The following SLC2A9 variants were observed in gnomAD, a reference collection of about 807,000 sequenced individuals.
The protein encoded by SLC2A9 is solute carrier family 2, facilitated glucose transporter member 9.
A neutral mutation model predicts 50.6 loss-of-function variants in SLC2A9; 39 were observed. The ratio of observed to expected loss-of-function variants is 0.77; its 90% CI spans 0.60 to 1.01. The LOEUF (loss-of-function observed/expected upper bound fraction) is 1.01, where lower values mean the gene tolerates loss of function less well. Among genes scored for constraint, SLC2A9 ranks in the 50% least tolerant of loss-of-function variants. The pLI, the probability that SLC2A9 is intolerant of heterozygous loss-of-function variation, is 0.00. For synonymous variants in SLC2A9, 324 were observed against 276.9 expected (o/e 1.17, Z -1.69); for missense variants, 686 against 677.6 (o/e 1.01, Z -0.14).
At chr4:9,868,714 G>A (rs1210307670) in intron 10 of SLC2A9, among the ~76,000 whole-genome samples, 1 of 152,176 alleles carries the variant, frequency 6.6e-6, no homozygotes, top group African/African-American at 2.4e-5. Context: ...GGGATTAACT[G>A]AGCGCTTCAT....
chr4:9,847,839 T>C (rs191765929), intron 10 of SLC2A9, among the ~76,000 whole-genome samples: 8 of 152,362 alleles, frequency 5.3e-5, no homozygotes, highest in South Asian at 2.1e-4. Flanking sequence ...TGTCATCAGA[T>C]ATGGCATCAG....
At chr4:9,796,911 C>T (rs1720660868), downstream of SLC2A9, among the ~76,000 whole-genome samples, 1 of 152,152 alleles carries the variant, frequency 6.6e-6, no homozygotes, top group South Asian at 2.1e-4. Context: ...ATTCCATTAG[C>T]TGAAGCAAGT....
At chr4:9,987,730 G>A (rs73100632) in intron 3 of SLC2A9, among the ~76,000 whole-genome samples, 7 of 152,036 alleles carry the variant, frequency 4.6e-5, no homozygotes, top group African/African-American at 1.7e-4. Flanking sequence ...CGGGAGACTG[G>A]GGCAGGAGAA....
intron 10 of SLC2A9, among the ~76,000 whole-genome samples, chr4:9,880,889 C>T (rs1417015924): frequency 6.6e-6 from 1 of 152,196 alleles, no homozygotes; most frequent in African/African-American, 2.4e-5. Flanking sequence ...GGTGTCTCTG[C>T]CTCCAGTTTC....
At chr4:9,965,687 A>G (rs954351309) in intron 5 of SLC2A9, among the ~76,000 whole-genome samples, 2 of 152,240 alleles carry the variant, frequency 1.3e-5, no homozygotes, top group Admixed American at 6.5e-5. Flanking sequence ...TAAATAATTA[A>G]TCTGTATTCA....
intron 1 of SLC2A9, among the ~76,000 whole-genome samples, chr4:10,030,919 G>C (rs1205373217): frequency 6.6e-6 from 1 of 152,068 alleles, no homozygotes; most frequent in East Asian, 1.9e-4. Flanking sequence ...TGGGGCTTAG[G>C]GGCTCCCAAA....
chr4:9,786,976 G>T (rs1431551860), intron 3 of SLC2A9, among the ~76,000 whole-genome samples: 2 of 152,168 alleles, frequency 1.3e-5, no homozygotes, highest in African/African-American at 2.4e-5. Flanking sequence ...GGCCAGGCAG[G>T]CAGACTCCAG....
At chr4:9,949,959 A>C (rs572796225) in intron 5 of SLC2A9, among the ~76,000 whole-genome samples, 1 of 152,160 alleles carries the variant, frequency 6.6e-6, no homozygotes, top group East Asian at 1.9e-4. Flanking sequence ...AGCTTCTTTG[A>C]CCTTACCGTC....
chr4:9,887,545 TG>T, intron 10 of SLC2A9, 21 bp downstream of exon 10: 4 of 1,543,604 alleles, frequency 2.6e-6, no homozygotes, highest in Non-Finnish European at 3.5e-6. Context: ...GGCGGGGCAG[TG>T]GGGAGGGTGG....
chr4:9,874,173 A>G (rs186427010), intron 10 of SLC2A9, among the ~76,000 whole-genome samples: 4 of 152,088 alleles, frequency 2.6e-5, no homozygotes, highest in Non-Finnish European at 1.5e-5. Flanking sequence ...TCTGTCCTCT[A>G]CTCAGACATT....
At chr4:9,878,726 T>C (rs968902794) in intron 10 of SLC2A9, among the ~76,000 whole-genome samples, 36 of 152,016 alleles carry the variant, frequency 2.4e-4, no homozygotes, top group Non-Finnish European at 4.4e-4. Context: ...CCTGAATTTG[T>C]AGTCAGCAGA....
intron 6 of SLC2A9, among the ~76,000 whole-genome samples, chr4:9,935,666 T>G (rs189690094): frequency 6.6e-6 from 1 of 152,330 alleles, no homozygotes; most frequent in Non-Finnish European, 1.5e-5. Context: ...TCAACAAGAT[T>G]GCTGTCCAAG....
chr4:9,885,058 G>A (rs1735931001), intron 10 of SLC2A9, among the ~76,000 whole-genome samples: 1 of 152,148 alleles, frequency 6.6e-6, no homozygotes, highest in Non-Finnish European at 1.5e-5. Context: ...AGGAAAAATA[G>A]CTAATGCAGG....
chr4:9,932,251 C>A (rs1746284847), intron 6 of SLC2A9, among the ~76,000 whole-genome samples: 1 of 151,932 alleles, frequency 6.6e-6, no homozygotes, highest in African/African-American at 2.4e-5. Context: ...GAGCTTTAAG[C>A]AGCAGCGTGC....
downstream of SLC2A9, among the ~76,000 whole-genome samples, chr4:9,778,203 G>A (rs1393307986): frequency 6.6e-6 from 1 of 151,778 alleles, no homozygotes; most frequent in African/African-American, 2.4e-5. Flanking sequence ...TCCAACTCCT[G>A]GGTTTGAGTA....
intron 3 of SLC2A9, among the ~76,000 whole-genome samples, chr4:9,780,734 G>A (rs1277352409): frequency 6.6e-6 from 1 of 152,174 alleles, no homozygotes; most frequent in Non-Finnish European, 1.5e-5. Context: ...TTGTCAGCTG[G>A]GAGGTGCACT....
intron 10 of SLC2A9, among the ~76,000 whole-genome samples, chr4:9,857,798 C>A (rs1174365769): frequency 6.6e-6 from 1 of 152,216 alleles, no homozygotes; most frequent in African/African-American, 2.4e-5. Flanking sequence ...GGATCACCCC[C>A]CAAACAGACT....
At chr4:9,984,702 C>T (rs1373569674) in intron 4 of SLC2A9, among the ~76,000 whole-genome samples, 1 of 152,208 alleles carries the variant, frequency 6.6e-6, no homozygotes, top group Non-Finnish European at 1.5e-5. Context: ...CCTACTCTCA[C>T]TCCCATAGCC....
intron 11 of SLC2A9, among the ~76,000 whole-genome samples, chr4:9,827,992 T>C (rs1046119276): frequency 1.8e-4 from 28 of 152,178 alleles, no homozygotes; most frequent in African/African-American, 6.5e-4. Flanking sequence ...ATGAGATATA[T>C]CAATTTTGCA....
Sources: allele counts gnomAD v4.1 joint callset (sites outside exome capture counted in the v4.1 genomes callset), GRCh38; gene constraint gnomAD v4.1.1; transcripts MANE v1.5; gene names NCBI Gene and HGNC (gene_info 2026-07-23, HGNC 2026-07-21).